The following EBPL variants were observed in gnomAD, a reference collection of about 807,000 sequenced individuals.
EBPL encodes EBP like, also known as emopamil-binding protein-like.
A neutral mutation model predicts 19.0 loss-of-function variants in EBPL; 20 were observed. That is an observed-to-expected ratio of 1.05 (90% confidence interval 0.74 to 1.53). The LOEUF is 1.53. Among genes scored for constraint, EBPL ranks in the 40% most tolerant of loss-of-function variants. EBPL has a pLI of 0.00. For missense variants in EBPL, 219 were observed against 261.1 expected (o/e 0.84, Z 1.11); for synonymous variants, 107 against 117.0 (o/e 0.91, Z 0.55).
At chr13:49,661,312 T>G (rs996182200) in intron 3 of EBPL, 104 bp from the exon 4 acceptor site, 2 of 943,934 alleles carry the variant, frequency 2.1e-6, no homozygotes, top group East Asian at 4.8e-5. Context: ...GTCTTCGCTA[T>G]GAAAACCGTC....
chr13:49,677,243 T>C lies in EBPL; in HGVS notation c.172-7397A>G, dbSNP rs80059275. On this transcript the variant is annotated intron_variant, in intron 1 of 3. Coordinates refer to ENST00000242827, the MANE Select transcript of EBPL (RefSeq NM_032565.5). ...ACTCCCTGATTCTTCCCTGAAACAA[T>C]GCTAAGAGCTGGTATCCCTTCCCTG... Among the ~76,000 whole-genome samples, 24 of 152,300 alleles carry C rather than the reference T, an allele frequency of 1.6e-4. 1 individual carries two copies. The East Asian group carries it at 4.6e-3, about 29-fold the overall frequency.
chr13:49,665,321 G>C (rs2137484523), intron 2 of EBPL, among the ~76,000 whole-genome samples: 1 of 152,314 alleles, frequency 6.6e-6, no homozygotes, highest in African/African-American at 2.4e-5. Flanking sequence ...ACCCAGGCTG[G>C]AGTGCAATGG....
intron 2 of EBPL, among the ~76,000 whole-genome samples, chr13:49,666,897 G>T (rs9526587): frequency 1.7e-5 from 2 of 115,794 alleles, no homozygotes; most frequent in African/African-American, 3.4e-5. Flanking sequence ...AAAAAAAAAA[G>T]AAAAAAAAAA....
chr13:49,661,666 A>G (rs996255748), intron 3 of EBPL: 1 of 883,472 alleles, frequency 1.1e-6, no homozygotes, highest in Non-Finnish European at 1.4e-6. Context: ...TGCAAATATC[A>G]CAAATGTTTA....
At chr13:49,686,473 A>G (rs1219456995) in intron 1 of EBPL, 1 of 1,273,770 alleles carries the variant, frequency 7.9e-7, no homozygotes, top group East Asian at 5.7e-5. Flanking sequence ...CAGGTGCCTC[A>G]CCTTTTATTT....
chr13:49,665,715 CT>C (rs35993290), intron 2 of EBPL, among the ~76,000 whole-genome samples: 61,077 of 146,796 alleles, frequency 0.42, 12,506 homozygotes, highest in African/African-American at 0.46. Context: ...TTCAACAAGT[CT>C]TTTTTTTTTT....
intron 1 of EBPL, among the ~76,000 whole-genome samples, chr13:49,672,750 G>A (rs1953831735): frequency 1.3e-5 from 2 of 152,172 alleles, no homozygotes; most frequent in African/African-American, 4.8e-5. Flanking sequence ...AGGTATGACT[G>A]TATAAACTAT....
At chr13:49,676,787 T>G (rs1458637624) in intron 1 of EBPL, among the ~76,000 whole-genome samples, 1 of 152,092 alleles carries the variant, frequency 6.6e-6, no homozygotes, top group Non-Finnish European at 1.5e-5. Context: ...TTACATGCAA[T>G]AAACACCAAA....
chr13:49,669,593 C>T (rs574116483), intron 2 of EBPL, among the ~76,000 whole-genome samples, 184 bp downstream of exon 2: 1 of 152,098 alleles, frequency 6.6e-6, no homozygotes, highest in East Asian at 1.9e-4. Context: ...CTCATTTCCC[C>T]CCAACACCCC....
At position 49,691,460 on chromosome 13, in the gene EBPL, G is replaced by A. The variant is rs758338027; in HGVS notation, c.-36C>T. ...TCCGACGCCAACGGCCCAGGACCATGCGGCAGAGGAAAGCAGGGAGAGAAA... is the reference window on the plus strand; with the variant it reads ...TCCGACGCCAACGGCCCAGGACCATACGGCAGAGGAAAGCAGGGAGAGAAA... On this transcript the variant is annotated 5_prime_UTR_variant, in exon 1 of 4. Coordinates refer to ENST00000242827, the MANE Select transcript of EBPL (RefSeq NM_032565.5). The A allele has an allele frequency of 3.8e-6, 5 of 1,300,910 alleles. No homozygotes were observed. Among genetic ancestry groups the A allele is most frequent in the Admixed American group, 6.4e-5 (2 of 31,158 alleles). The allele number at this position is 1,300,910 out of a possible 1,614,324, so 80.6% of individuals were successfully genotyped here. A position where few individuals can be genotyped will look rare whatever the true frequency, so the allele number is the denominator to read the frequency against.
At chr13:49,661,677 A>T in intron 3 of EBPL, 1 of 913,948 alleles carries the variant, frequency 1.1e-6, no homozygotes. Context: ...CAAATGTTTA[A>T]AATAATAAAC....
chr13:49,671,618 G>T (rs1006877457), intron 1 of EBPL, among the ~76,000 whole-genome samples: 2 of 152,190 alleles, frequency 1.3e-5, no homozygotes, highest in Non-Finnish European at 2.9e-5. Context: ...TCTGGCCTGA[G>T]AACTTTCTAC....
rs1263208092 is a variant in EBPL at position 49,660,873 on chromosome 13, G to A, written c.*95C>T. On this transcript the variant is annotated 3_prime_UTR_variant, in exon 4 of 4. Coordinates refer to ENST00000242827, the MANE Select transcript of EBPL (RefSeq NM_032565.5). ...TCAGGAGCAACAATACAAAAACAAA[G>A]TGTAGACTGGAATGTATTACATTTT... The A allele has an allele frequency of 1.4e-5, 16 of 1,118,154 alleles. No individual in the cohort carries two copies. In the East Asian group the frequency reaches 3.8e-4, roughly 27 times the overall value. 69.3% of individuals were successfully genotyped at this position (1,118,154 alleles called of 1,614,324 possible).
At chr13:49,689,978 C>T (rs143575439) in intron 1 of EBPL, among the ~76,000 whole-genome samples, 4,293 of 151,994 alleles carry the variant, frequency 0.028, 204 homozygotes, top group African/African-American at 0.098. Context: ...AGTGAAACCT[C>T]ATCTCTACTA....
At chr13:49,670,698 T>C (rs1047200720) in intron 1 of EBPL, among the ~76,000 whole-genome samples, 12 of 152,224 alleles carry the variant, frequency 7.9e-5, no homozygotes, top group African/African-American at 2.9e-4. Context: ...TTGATACTCC[T>C]TCCTCTCCCG....
chr13:49,665,848 C>T (rs982902127), intron 2 of EBPL, among the ~76,000 whole-genome samples: 7 of 151,856 alleles, frequency 4.6e-5, no homozygotes, highest in Non-Finnish European at 2.9e-5. Flanking sequence ...TGGCGGTTAG[C>T]GAATATGAGG....
chr13:49,670,576 A>G (rs1431709020), intron 1 of EBPL, among the ~76,000 whole-genome samples: 1 of 152,152 alleles, frequency 6.6e-6, no homozygotes, highest in Non-Finnish European at 1.5e-5. Context: ...GGGTCCTGCC[A>G]CCCCAGAGGT....
At chr13:49,680,864 GAT>G (rs781172410) in intron 1 of EBPL, among the ~76,000 whole-genome samples, 3 of 151,736 alleles carry the variant, frequency 2.0e-5, no homozygotes, top group Non-Finnish European at 2.9e-5. Flanking sequence ...AAATATATGT[GAT>G]ACATGTTAAA....
intron 1 of EBPL, among the ~76,000 whole-genome samples, chr13:49,671,041 A>C (rs184682363): frequency 2.0e-5 from 3 of 152,374 alleles, no homozygotes; most frequent in Admixed American, 1.3e-4. Flanking sequence ...GATTATGGAA[A>C]CAGCGTTCAC....
Sources: gnomAD v4.1 joint callset for allele counts (sites outside exome capture counted in the v4.1 genomes callset) on GRCh38, gnomAD v4.1.1 for gene constraint, MANE v1.5 for transcripts, NCBI Gene and HGNC (gene_info 2026-07-23, HGNC 2026-07-21) for gene names.